Variants in PDZD2 observed in about 807,000 individuals in gnomAD.
The protein encoded by PDZD2 is PDZ domain containing 2, also known as PDZ domain-containing protein 2.
PDZD2 carries 90 observed loss-of-function variants against 220.7 expected under a neutral mutation model. The observed-to-expected ratio is 0.41, with a 90% CI of 0.34 to 0.49. The LOEUF (loss-of-function observed/expected upper bound fraction) is 0.49. PDZD2 is among the 20% of genes least tolerant of loss of function. PDZD2 has a pLI of 0.28. For missense variants in PDZD2, 3,174 were observed against 3,608.5 expected (o/e 0.88, Z 3.08); for synonymous variants, 1,375 against 1,450.5 (o/e 0.95, Z 1.18).
At chr5:31,934,607 T>TAAAAAAAAA (rs5867117) in intron 2 of PDZD2, among the ~76,000 whole-genome samples, 1 of 118,080 alleles carries the variant, frequency 8.5e-6, no homozygotes. Flanking sequence ...ACCATCTAAT[T>TAAAAAAAAA]AAAAAAAAAA....
chr5:31,691,248 A>G (rs9686411), intron 1 of PDZD2, among the ~76,000 whole-genome samples: 57,783 of 143,338 alleles, frequency 0.4, 12,176 homozygotes, highest in East Asian at 0.52. Flanking sequence ...GCGCGTCTGG[A>G]GTTGTTCGTT....
Position 31,799,310 on chromosome 5 carries a change from A to G in PDZD2, c.62A>G (p.Asn21Ser). Residue 21 changes from asparagine (N) to serine (S), a missense_variant, in exon 2 of 25, where the codon AAC becomes AGC. This residue lies in a region of PDZD2 where 632 missense variants were observed against 708.1 expected (regional missense o/e 0.89). Transcript: ENST00000438447. ...CCCCTCCTCTACCAGTGGCTGCAGA[A>G]CAGCCTGCAGGAAGGTGGGGATGGG... is the stretch of plus-strand genomic sequence containing the variant. ...HLPLLYQWLQ[N>S]SLQEGGDGPE... The G allele has an allele frequency of 6.2e-7, 1 of 1,614,026 alleles. No homozygotes were observed. The highest frequency in any genetic ancestry group is 8.5e-7 in the Non-Finnish European group (1 of 1,179,894).
At chr5:31,670,074 G>T (rs1746156142) in intron 1 of PDZD2, among the ~76,000 whole-genome samples, 1 of 152,166 alleles carries the variant, frequency 6.6e-6, no homozygotes, top group South Asian at 2.1e-4. Context: ...TGCTCTTCTG[G>T]ATTGCAGAGC....
In PDZD2 at chr5:31,677,571, G is replaced by C. The variant is rs1304440867; in HGVS notation, c.-361+38134G>C. On this transcript the variant is annotated intron_variant, in intron 1 of 24. Transcript: ENST00000438447. ...GCGGAGCTTGCAGTGAGCCGAGATTGCGCCACTGCACTCCAGCCTGGGCGA... is the reference window on the plus strand; with the variant it reads ...GCGGAGCTTGCAGTGAGCCGAGATTCCGCCACTGCACTCCAGCCTGGGCGA... Among the ~76,000 whole-genome samples, 5 of 2,440 alleles carry C rather than the reference G, an allele frequency of 2.0e-3. 2 individuals are homozygous for C. The highest frequency in any genetic ancestry group is 3.0e-3 in the African/African-American group (5 of 1,642). The allele number at this position is 2,440 out of a possible 152,430, so 1.6% of individuals were successfully genotyped here.
chr5:31,997,741 C>T (rs890782890), intron 4 of PDZD2, among the ~76,000 whole-genome samples: 1 of 152,070 alleles, frequency 6.6e-6, no homozygotes, highest in Non-Finnish European at 1.5e-5. Context: ...GTGTGTGTGT[C>T]TCTTTGAGCC....
intron 1 of PDZD2, among the ~76,000 whole-genome samples, chr5:31,710,287 G>A (rs535740461): frequency 6.6e-6 from 1 of 152,306 alleles, no homozygotes; most frequent in East Asian, 1.9e-4. Flanking sequence ...TGACAGTTTT[G>A]CGTATTTGAC....
chr5:31,806,697 G>T (rs1389968527), intron 2 of PDZD2, among the ~76,000 whole-genome samples: 2 of 152,210 alleles, frequency 1.3e-5, no homozygotes, highest in East Asian at 3.9e-4. Flanking sequence ...AACTGGGAAG[G>T]TTTTCTAGAT....
At chr5:31,792,179 T>G (rs1753766500) in intron 1 of PDZD2, among the ~76,000 whole-genome samples, 1 of 152,088 alleles carries the variant, frequency 6.6e-6, no homozygotes, top group African/African-American at 2.4e-5. Context: ...ACAAACTACA[T>G]GTTTATCATA....
At chr5:32,051,444 A>G (rs188257079) in intron 8 of PDZD2, among the ~76,000 whole-genome samples, 3 of 152,366 alleles carry the variant, frequency 2.0e-5, no homozygotes, top group Admixed American at 2.0e-4. Context: ...TGAATGTAGT[A>G]TACACAGAGA....
chr5:32,001,400 C>T (rs980432666), intron 5 of PDZD2, among the ~76,000 whole-genome samples: 3 of 152,240 alleles, frequency 2.0e-5, no homozygotes, highest in South Asian at 2.1e-4. Context: ...CTGGAGGAGG[C>T]GCTGTGAATC....
intron 2 of PDZD2, among the ~76,000 whole-genome samples, chr5:31,947,060 C>T (rs1174704734): frequency 6.6e-6 from 1 of 152,184 alleles, no homozygotes; most frequent in Non-Finnish European, 1.5e-5. Flanking sequence ...CCTGGTATCC[C>T]AGACTCAGAG....
chr5:31,765,247 T>C (rs1751931182), intron 1 of PDZD2, among the ~76,000 whole-genome samples: 1 of 152,170 alleles, frequency 6.6e-6, no homozygotes, highest in Non-Finnish European at 1.5e-5. Context: ...CCACTGCTAA[T>C]GGTAACCAGA....
chr5:31,962,243 C>T (rs1195341685), intron 2 of PDZD2, among the ~76,000 whole-genome samples: 1 of 152,212 alleles, frequency 6.6e-6, no homozygotes, highest in Non-Finnish European at 1.5e-5. Context: ...CTTAACTTCT[C>T]TTTCCTTTAA....
chr5:31,803,417 T>C (rs992738429), intron 2 of PDZD2, among the ~76,000 whole-genome samples: 4 of 151,830 alleles, frequency 2.6e-5, no homozygotes, highest in African/African-American at 9.7e-5. Flanking sequence ...CCATAGGCTT[T>C]ATTGAGGTTT....
chr5:31,952,232 A>G (rs80049684), intron 2 of PDZD2, among the ~76,000 whole-genome samples: 8,866 of 152,338 alleles, frequency 0.058, 379 homozygotes, highest in Non-Finnish European at 0.087. Flanking sequence ...GAGATACATC[A>G]TAAACACTGC....
At chr5:32,081,430 T>C (rs1285780381) in intron 19 of PDZD2, among the ~76,000 whole-genome samples, 2 of 152,232 alleles carry the variant, frequency 1.3e-5, no homozygotes, top group Admixed American at 1.3e-4. Context: ...TTAGTTACCA[T>C]TTAATTCTTT....
rs1340766418 is a variant in PDZD2, at chr5:32,090,423, G to T, written c.6975G>T (p.Trp2325Cys). Reference protein sequence around the residue: ...TRRHYCYEQNWPHESTSFFSV... With the variant: ...TRRHYCYEQNCPHESTSFFSV... ...GACACTACTGCTATGAGCAGAACTG[G>T]CCCCATGAATCTACCTCATTTTTCT... The change falls in exon 20 of 25, where the codon TGG (tryptophan) becomes TGT (cysteine). Residue 2325 changes from tryptophan (W) to cysteine (C), a missense_variant. Coordinates refer to ENST00000438447, the MANE Select transcript of PDZD2 (RefSeq NM_178140.4). The surrounding 1 kb of genome is among the most constrained non-coding windows in gnomAD (Gnocchi z 4.3). The T allele has an allele frequency of 1.2e-6, 2 of 1,614,090 alleles. No individual in the cohort carries two copies.
At chr5:31,816,950 G>A (rs1311385628) in intron 2 of PDZD2, among the ~76,000 whole-genome samples, 1 of 152,178 alleles carries the variant, frequency 6.6e-6, no homozygotes, top group Non-Finnish European at 1.5e-5. Context: ...TTGGGAGGCC[G>A]AGGCAGACGG....
At chr5:31,986,888 A>G (rs544426838) in intron 3 of PDZD2, among the ~76,000 whole-genome samples, 1 of 152,322 alleles carries the variant, frequency 6.6e-6, no homozygotes, top group East Asian at 1.9e-4. Flanking sequence ...TTTTCCATCC[A>G]GTTCCCTCTT....
Sources: allele counts gnomAD v4.1 joint callset (sites outside exome capture counted in the v4.1 genomes callset), GRCh38; gene constraint gnomAD v4.1.1; regional missense constraint gnomAD v4.1.1; non-coding constraint Gnocchi (gnomAD v3.1); transcripts MANE v1.5; gene names NCBI Gene and HGNC (gene_info 2026-07-23, HGNC 2026-07-21).